The following DECR1 variants were observed in gnomAD, a reference collection of about 807,000 sequenced individuals.
DECR1 encodes the protein 2,4-dienoyl-CoA reductase [(3E)-enoyl-CoA-producing], mitochondrial.
A neutral mutation model predicts 38.8 loss-of-function variants in DECR1; 44 were observed. The observed-to-expected ratio is 1.13, with a 90% CI of 0.89 to 1.46. The LOEUF is 1.46. DECR1 is among the 40% of genes most tolerant of loss of function. The pLI, the probability that DECR1 is intolerant of heterozygous loss-of-function variation, is 0.00. For synonymous variants in DECR1, 148 were observed against 135.2 expected (o/e 1.09, Z -0.66); for missense variants, 428 against 405.5 (o/e 1.06, Z -0.48).
chr8:90,036,800 C>A, intron 5 of DECR1, 41 bp from the exon 6 acceptor site: 1 of 1,284,764 alleles, frequency 7.8e-7, no homozygotes, highest in South Asian at 1.2e-5. Flanking sequence ...TGTAGTGATA[C>A]ATCTATATTG....
chr8:90,027,388 T>G (rs1234904791), intron 5 of DECR1, among the ~76,000 whole-genome samples: 1 of 152,174 alleles, frequency 6.6e-6, no homozygotes, highest in Non-Finnish European at 1.5e-5. Context: ...AGGACTTGCT[T>G]TATGAATCTG....
rs145305482 is a variant in DECR1, at chr8:90,019,148, G to T, written c.393G>T (p.Leu131=). The T allele has an allele frequency of 3.7e-6, 6 of 1,614,104 alleles. No individual in the cohort carries two copies. In the South Asian group the frequency reaches 6.6e-5, roughly 18 times the overall value. The change falls in exon 4 of 10, where the codon CTG becomes CTT. Residue 131 remains leucine (L), a synonymous_variant. Coordinates refer to ENST00000220764, the MANE Select transcript of DECR1 (RefSeq NM_001359.2). ...PDMVQNTVSE[L]IKVAGHPNIV... is the part of the protein sequence containing the mutation. Reference sequence around the variant, plus strand: ...TGGTTCAAAACACTGTGTCAGAACTGATCAAAGTTGCAGGACATCCTAATG... The same window carrying T: ...TGGTTCAAAACACTGTGTCAGAACTTATCAAAGTTGCAGGACATCCTAATG...
chr8:90,046,572 G>A (rs1813910036), intron 8 of DECR1, among the ~76,000 whole-genome samples: 1 of 152,218 alleles, frequency 6.6e-6, no homozygotes, highest in Non-Finnish European at 1.5e-5. Flanking sequence ...GATTGTACCT[G>A]AAAGTGACAG....
At chr8:90,016,703 A>G (rs1813016330) in intron 1 of DECR1, 1 of 158,412 alleles carries the variant, frequency 6.3e-6, no homozygotes, top group African/African-American at 2.4e-5. Flanking sequence ...CAACAATTTA[A>G]TTTAAGCAAA....
intron 1 of DECR1, among the ~76,000 whole-genome samples, chr8:90,003,609 T>G (rs1016963264): frequency 6.6e-6 from 1 of 152,214 alleles, no homozygotes; most frequent in Non-Finnish European, 1.5e-5. Flanking sequence ...CTGCCTTCAA[T>G]GTACTATAGT....
intron 7 of DECR1, among the ~76,000 whole-genome samples, chr8:90,043,256 C>T (rs958973684): frequency 6.6e-6 from 1 of 152,116 alleles, no homozygotes; most frequent in Non-Finnish European, 1.5e-5. Flanking sequence ...GTAGCATTTT[C>T]CTTGACTCAT....
In DECR1 at chr8:90,044,885, G is replaced by A; in HGVS notation, c.775G>A (p.Glu259Lys). ...CCGTCTGGACCCAACTGGAACATTT[G>A]AGAAAGAAATGATTGGCAGAATTCC... ...FSRLDPTGTF[E>K]KEMIGRIPCG... The change falls in exon 8 of 10, where the codon GAG (glutamate) becomes AAG (lysine). Residue 259 changes from glutamate (E) to lysine (K), a missense_variant. Physicochemically the swap from Glu to Lys is moderately conservative, Grantham distance 56 (BLOSUM62 1). Transcript: ENST00000220764. The A allele has an allele frequency of 6.2e-7, 1 of 1,613,460 alleles. No individual in the cohort carries two copies. Among genetic ancestry groups the A allele is most frequent in the Non-Finnish European group, 8.5e-7 (1 of 1,179,586 alleles).
chr8:90,005,432 C>A, intron 1 of DECR1: 1 of 456,204 alleles, frequency 2.2e-6, no homozygotes, highest in Non-Finnish European at 4.4e-6. Flanking sequence ...AAATAAATAG[C>A]ATCCGTTTTT....
chr8:90,029,857 C>T (rs951595739), intron 5 of DECR1, among the ~76,000 whole-genome samples: 2 of 152,104 alleles, frequency 1.3e-5, no homozygotes, highest in East Asian at 3.9e-4. Context: ...GTACACATGC[C>T]CTGATTAGAA....
At chr8:90,044,711 G>A in intron 7 of DECR1, 138 bp from the exon 8 acceptor site, 3 of 757,684 alleles carry the variant, frequency 4.0e-6, no homozygotes, top group Non-Finnish European at 5.9e-6. Context: ...GAATAATTTG[G>A]TGAAATTCTT....
chr8:90,049,180 C>T (rs1351114914), intron 8 of DECR1, among the ~76,000 whole-genome samples: 1 of 152,126 alleles, frequency 6.6e-6, no homozygotes, highest in Non-Finnish European at 1.5e-5. Context: ...CTGGTCAGGG[C>T]AGTCAGGCAG....
chr8:90,042,730 C>G lies in DECR1; in HGVS notation c.668C>G (p.Ser223Cys). 2 of 1,612,878 alleles carry G rather than the reference C, an allele frequency of 1.2e-6. No homozygotes were observed. The highest frequency in any genetic ancestry group is 1.7e-6 in the Non-Finnish European group (2 of 1,179,218). Reference sequence around the variant, plus strand: ...ATGTTGTTGATTTTAATTTTTAGGTCTCTTGCAGCTGAATGGGGTAAATAT... The same window carrying G: ...ATGTTGTTGATTTTAATTTTTAGGTGTCTTGCAGCTGAATGGGGTAAATAT... ...AKAGVEAMSKSLAAEWGKYGM... is the reference protein window; with the variant it reads ...AKAGVEAMSKCLAAEWGKYGM... Residue 223 changes from serine (S) to cysteine (C), a missense_variant and splice_region_variant, in exon 7 of 10, where the codon TCT becomes TGT. Ser to Cys is a moderately radical substitution (Grantham distance 112). Coordinates refer to ENST00000220764, the MANE Select transcript of DECR1 (RefSeq NM_001359.2).
chr8:90,012,529 A>G (rs916263249), intron 1 of DECR1, among the ~76,000 whole-genome samples: 11 of 152,196 alleles, frequency 7.2e-5, no homozygotes, highest in Admixed American at 1.3e-4. Flanking sequence ...GGAAATGACT[A>G]ATTTTTTAAA....
At chr8:90,014,806 G>A (rs1025065048) in intron 1 of DECR1, among the ~76,000 whole-genome samples, 6 of 152,076 alleles carry the variant, frequency 3.9e-5, no homozygotes, top group Non-Finnish European at 5.9e-5. Flanking sequence ...ATTACTTAAT[G>A]ACAAATTTAC....
intron 1 of DECR1, among the ~76,000 whole-genome samples, chr8:90,011,246 G>A (rs1812875483): frequency 6.6e-6 from 1 of 152,096 alleles, no homozygotes. Context: ...TACATCTATA[G>A]CAATGTTTAC....
At chr8:90,040,733 C>G (rs897478026) in intron 6 of DECR1, among the ~76,000 whole-genome samples, 6 of 152,144 alleles carry the variant, frequency 3.9e-5, no homozygotes, top group African/African-American at 1.4e-4. Flanking sequence ...ATTTGATTTT[C>G]TGTTCCTGTG....
intron 6 of DECR1, among the ~76,000 whole-genome samples, chr8:90,041,965 C>T (rs1202609913): frequency 6.6e-6 from 1 of 152,038 alleles, no homozygotes; most frequent in Non-Finnish European, 1.5e-5. Context: ...TATATACACA[C>T]AAATATACAT....
intron 1 of DECR1, among the ~76,000 whole-genome samples, chr8:90,014,613 C>G (rs936815439): frequency 6.6e-6 from 1 of 152,078 alleles, no homozygotes; most frequent in Non-Finnish European, 1.5e-5. Context: ...ATATCCTTTT[C>G]TCTACCAGTG....
At chr8:90,035,385 T>A (rs1813594909) in intron 5 of DECR1, among the ~76,000 whole-genome samples, 1 of 152,116 alleles carries the variant, frequency 6.6e-6, no homozygotes, top group Non-Finnish European at 1.5e-5. Flanking sequence ...TCCTCAGTTT[T>A]TTTTTTCCCA....
Sources: allele counts gnomAD v4.1 joint callset (sites outside exome capture counted in the v4.1 genomes callset), GRCh38; gene constraint gnomAD v4.1.1; transcripts MANE v1.5; gene names NCBI Gene and HGNC (gene_info 2026-07-23, HGNC 2026-07-21).